Variants in LYRM4 observed in about 807,000 individuals in gnomAD.
The protein encoded by LYRM4 is LYR motif-containing protein 4.
LYRM4 carries 9 observed loss-of-function variants against 11.7 expected under a neutral mutation model. The ratio of observed to expected loss-of-function variants is 0.77; its 90% CI spans 0.46 to 1.34. The LOEUF (loss-of-function observed/expected upper bound fraction) is 1.34. LYRM4 is among the 40% of genes most tolerant of loss of function. LYRM4 has a pLI of 0.00. For missense variants in LYRM4, 133 were observed against 112.5 expected (o/e 1.18, Z -0.82); for synonymous variants, 42 against 40.4 (o/e 1.04, Z -0.15).
At chr6:5,244,264 C>T (rs1441783115) in intron 1 of LYRM4, among the ~76,000 whole-genome samples, 2 of 152,176 alleles carry the variant, frequency 1.3e-5, no homozygotes, top group African/African-American at 4.8e-5. Context: ...AGGGTAGTGT[C>T]CTGAGCACAT....
chr6:5,145,614 A>G (rs756261567), intron 2 of LYRM4, among the ~76,000 whole-genome samples: 2 of 152,228 alleles, frequency 1.3e-5, no homozygotes, highest in Non-Finnish European at 2.9e-5. Flanking sequence ...CTTATGAGGA[A>G]AAAACATCAC....
At chr6:5,227,003 TGAG>T (rs1762932821) in intron 1 of LYRM4, among the ~76,000 whole-genome samples, 1 of 152,126 alleles carries the variant, frequency 6.6e-6, no homozygotes, top group South Asian at 2.1e-4. Context: ...AGATATATGA[TGAG>T]GAATTAAACC....
At chr6:5,140,371 A>T (rs894550604) in intron 2 of LYRM4, among the ~76,000 whole-genome samples, 2 of 152,326 alleles carry the variant, frequency 1.3e-5, no homozygotes, top group African/African-American at 4.8e-5. Context: ...GTCTTTTAAC[A>T]ATACTTAAAA....
intron 2 of LYRM4, among the ~76,000 whole-genome samples, chr6:5,116,681 A>G (rs912369049): frequency 2.0e-5 from 3 of 152,224 alleles, no homozygotes; most frequent in African/African-American, 7.2e-5. Context: ...TGGTCATTAA[A>G]GCTGATCACA....
chr6:5,224,022 C>T (rs574254144), intron 1 of LYRM4, among the ~76,000 whole-genome samples: 114 of 152,192 alleles, frequency 7.5e-4, no homozygotes, highest in Non-Finnish European at 1.2e-3. Flanking sequence ...CCACCAACTC[C>T]GGCCATCCTG....
chr6:5,253,427 G>GT (rs36106861), intron 1 of LYRM4, among the ~76,000 whole-genome samples: 3,611 of 145,372 alleles, frequency 0.025, 123 homozygotes, highest in African/African-American at 0.079. Context: ...GCAATTCTCA[G>GT]TTTTTTTTTT....
the LYRM4 span, among the ~76,000 whole-genome samples, chr6:5,049,696 G>T: frequency 1.3e-5 from 2 of 149,884 alleles, no homozygotes; most frequent in African/African-American, 4.9e-5. Context: ...TGGAGACAGA[G>T]TCTTGCTTTG....
chr6:5,070,192 T>C, the LYRM4 span, among the ~76,000 whole-genome samples: 1 of 152,212 alleles, frequency 6.6e-6, no homozygotes, highest in African/African-American at 2.4e-5. Context: ...CCTAGGTCTT[T>C]AGTTCAGACC....
At chr6:5,254,913 A>C (rs942114598) in intron 1 of LYRM4, among the ~76,000 whole-genome samples, 3 of 151,820 alleles carry the variant, frequency 2.0e-5, no homozygotes, top group African/African-American at 7.3e-5. Context: ...GGGTATCTCT[A>C]CTCACGGCAG....
the LYRM4 span, among the ~76,000 whole-genome samples, chr6:5,046,918 C>T: frequency 2.6e-5 from 4 of 152,174 alleles, no homozygotes; most frequent in East Asian, 5.8e-4. Context: ...GGTGAAACCC[C>T]GTCTCTACAA....
At chr6:5,221,469 C>T (rs12204340) in intron 1 of LYRM4, among the ~76,000 whole-genome samples, 53,534 of 151,770 alleles carry the variant, frequency 0.35, 10,651 homozygotes, top group East Asian at 0.55. Context: ...CCAAGGCGGG[C>T]GGATCACGAG....
intron 2 of LYRM4, among the ~76,000 whole-genome samples, chr6:5,179,811 T>C (rs900839631): frequency 2.3e-4 from 35 of 152,226 alleles, no homozygotes; most frequent in African/African-American, 8.0e-4. Context: ...CCTATGGTAA[T>C]GCTGTGTTTC....
At chr6:5,209,980 C>T (rs1423567641) in intron 2 of LYRM4, among the ~76,000 whole-genome samples, 1 of 152,176 alleles carries the variant, frequency 6.6e-6, no homozygotes, top group African/African-American at 2.4e-5. Context: ...GTACTGGTAA[C>T]ACATCTTCTA....
chr6:5,224,357 T>C (rs1762757391), intron 1 of LYRM4, among the ~76,000 whole-genome samples: 1 of 152,208 alleles, frequency 6.6e-6, no homozygotes, highest in South Asian at 2.1e-4. Context: ...AAATGAGGCA[T>C]CATTTTGTGT....
chr6:5,148,463 A>AGCTTG, intron 2 of LYRM4: 1 of 164,512 alleles, frequency 6.1e-6, no homozygotes, highest in Non-Finnish European at 1.4e-5. Context: ...CGTAATCCTG[A>AGCTTG]GCTGGGCTGA....
intron 2 of LYRM4, chr6:5,144,189 C>T (rs1260738583): frequency 3.3e-6 from 5 of 1,536,902 alleles, no homozygotes; most frequent in Non-Finnish European, 3.5e-6. Flanking sequence ...TCAAGGCCAA[C>T]TTGTGCAGGG....
rs543309508 is a variant in LYRM4 at position 5,159,062 on chromosome 6, C to T, written c.208-49571G>A. Among the ~76,000 whole-genome samples, 14 of 152,290 alleles carry T rather than the reference C, an allele frequency of 9.2e-5. No individual in the cohort carries two copies. In the East Asian group the frequency reaches 2.7e-3, roughly 29 times the overall value. On this transcript the variant is annotated intron_variant, in intron 2 of 2. Coordinates refer to ENST00000330636, the MANE Select transcript of LYRM4 (RefSeq NM_020408.6). The stretch of plus-strand genomic sequence containing the variant: ...TTCTAATGCCACTGTATGCTAAAGC[C>T]ATGGATTTCGGGGAAAGGCATGACC...
At chr6:5,224,261 C>A (rs910658991) in intron 1 of LYRM4, among the ~76,000 whole-genome samples, 14 of 152,306 alleles carry the variant, frequency 9.2e-5, no homozygotes, top group Admixed American at 8.5e-4. Context: ...AAAACAATAA[C>A]TCACAAGAGA....
At position 5,109,244 on chromosome 6, in the gene LYRM4, A is replaced by G; in HGVS notation, c.*179T>C. On this transcript the variant is annotated 3_prime_UTR_variant, in exon 3 of 3. Coordinates refer to ENST00000330636, the MANE Select transcript of LYRM4 (RefSeq NM_020408.6). ...ATTCTAACACTTGAACCAAGGAAAG[A>G]CAGCAGTCCTTTTTCACTAAGCCTG... The G allele has an allele frequency of 6.9e-7, 1 of 1,457,894 alleles. No homozygotes were observed. The highest frequency in any genetic ancestry group is 1.4e-5 in the African/African-American group (1 of 70,744). The allele number at this position is 1,457,894 out of a possible 1,614,324, so 90.3% of individuals were successfully genotyped here.
Sources: allele counts gnomAD v4.1 joint callset (sites outside exome capture counted in the v4.1 genomes callset), GRCh38; gene constraint gnomAD v4.1.1; transcripts MANE v1.5; gene names NCBI Gene and HGNC (gene_info 2026-07-23, HGNC 2026-07-21).